Variants in PIEZO2 observed in about 807,000 individuals in gnomAD.
PIEZO2 encodes piezo-type mechanosensitive ion channel component 2.
A neutral mutation model predicts 337.3 loss-of-function variants in PIEZO2; 172 were observed. The observed-to-expected ratio is 0.51, with a 90% CI of 0.45 to 0.58. The LOEUF (loss-of-function observed/expected upper bound fraction) is 0.58. Among genes scored for constraint, PIEZO2 ranks in the 20% least tolerant of loss-of-function variants. PIEZO2 has a pLI of 0.00. For synonymous variants in PIEZO2, 1,251 were observed against 1,228.5 expected, an observed-to-expected ratio of 1.02 and a Z score of -0.38; for missense variants, 3,028 against 3,391.3, an observed-to-expected ratio of 0.89 and a Z score of 2.66.
intron 2 of PIEZO2, among the ~76,000 whole-genome samples, chr18:10,999,221 A>G (rs183654064): frequency 1.1e-3 from 166 of 152,104 alleles, no homozygotes; most frequent in African/African-American, 3.5e-3. Flanking sequence ...AGATAAGTTA[A>G]TGTATTGGAT....
intron 47 of PIEZO2, among the ~76,000 whole-genome samples, chr18:10,694,762 G>C (rs1166155150): frequency 6.6e-6 from 1 of 152,184 alleles, no homozygotes; most frequent in Non-Finnish European, 1.5e-5. Context: ...TTGAGCCCAG[G>C]AGTTCAAGGT....
At chr18:10,839,931 A>G (rs553035952) in intron 7 of PIEZO2, among the ~76,000 whole-genome samples, 12 of 152,204 alleles carry the variant, frequency 7.9e-5, no homozygotes, top group Admixed American at 3.9e-4. Context: ...AAAAGAAACA[A>G]TTGGCTGAGT....
intron 52 of PIEZO2, among the ~76,000 whole-genome samples, chr18:10,678,724 T>C (rs952709590): frequency 6.6e-6 from 1 of 152,176 alleles, no homozygotes; most frequent in South Asian, 2.1e-4. Context: ...TGCTGAGATA[T>C]GCTCTTTCTA....
rs1192850625 is a variant in PIEZO2 at position 11,127,466 on chromosome 18, C to G, written c.64+21059G>C. On this transcript the variant is annotated intron_variant, in intron 1 of 55. Transcript: ENST00000674853. The surrounding 1 kb of genome is among the most constrained non-coding windows in gnomAD (Gnocchi z 4.5). ...CTTAATCTGGTGGGCACAATCTAAT[C>G]AGCGAATATAAAGAAGGTAGGAAAA... is the stretch of plus-strand genomic sequence containing the variant. Among the ~76,000 whole-genome samples the G allele has an allele frequency of 1.3e-5, 2 of 152,148 alleles. No homozygotes were observed. Among genetic ancestry groups the G allele is most frequent in the Admixed American group, 1.3e-4 (2 of 15,274 alleles).
intron 4 of PIEZO2, among the ~76,000 whole-genome samples, chr18:10,879,544 C>T (rs1236008291): frequency 2.0e-5 from 3 of 151,876 alleles, no homozygotes; most frequent in African/African-American, 4.8e-5. Flanking sequence ...TACAGGCACC[C>T]GCCACCACGC....
chr18:11,084,130 T>C (rs567201583), intron 1 of PIEZO2, among the ~76,000 whole-genome samples: 1 of 122,324 alleles, frequency 8.2e-6, no homozygotes, highest in East Asian at 2.5e-4. Flanking sequence ...TGAGCCAAGA[T>C]CACATCATTT....
At chr18:10,934,254 G>GT (rs1335772168) in intron 3 of PIEZO2, among the ~76,000 whole-genome samples, 3 of 152,192 alleles carry the variant, frequency 2.0e-5, no homozygotes, top group African/African-American at 4.8e-5. Context: ...AGTGACTACT[G>GT]TAATTTTCCC....
chr18:10,722,290 G>A lies in PIEZO2; in HGVS notation c.5030-4031C>T, dbSNP rs2143969372. ...CTGTCACCCAGGCTAGAGTGCAGTG[G>A]TGCGGTCTCAGCTCACTGCAACCTC... is the stretch of plus-strand genomic sequence containing the variant. On this transcript the variant is annotated intron_variant, in intron 36 of 55. Coordinates refer to ENST00000674853, the MANE Select transcript of PIEZO2 (RefSeq NM_001378183.1). Among the ~76,000 whole-genome samples, 3 of 151,576 alleles carry A rather than the reference G, an allele frequency of 2.0e-5. 1 individual carries two copies. The Middle Eastern group carries it at 0.01, about 519-fold the overall frequency.
intron 5 of PIEZO2, among the ~76,000 whole-genome samples, chr18:10,858,355 AAAG>A (rs1474056915): frequency 3.3e-5 from 5 of 151,366 alleles, no homozygotes; most frequent in Admixed American, 6.6e-5. Flanking sequence ...AAAGAAAAGA[AAAG>A]AAGAAAATAA....
chr18:10,680,272 T>A lies in PIEZO2; in HGVS notation c.7879A>T (p.Lys2627Ter). ...AGGAGTTCGTGTATCATTTTCTGCTTACTGGGTGGGCTGATGGTCCACAAA... is the reference window on the plus strand; with the variant it reads ...AGGAGTTCGTGTATCATTTTCTGCTAACTGGGTGGGCTGATGGTCCACAAA... ...NSLWTISPPS[K>*]QKMIHELLDP... Residue 2627 changes from lysine to a stop codon, truncating the protein, a stop_gained, in exon 52 of 56, where the codon AAG (lysine) becomes TAG (stop). Transcript: ENST00000674853. LOFTEE classifies it high-confidence loss of function. 6.2e-7 allele frequency: 1 copy of A among 1,614,114 alleles called. No homozygotes were observed. Among genetic ancestry groups the A allele is most frequent in the Non-Finnish European group, 8.5e-7 (1 of 1,179,940 alleles).
At chr18:11,133,869 T>A (rs998698909) in intron 1 of PIEZO2, among the ~76,000 whole-genome samples, 1 of 151,678 alleles carries the variant, frequency 6.6e-6, no homozygotes, top group Non-Finnish European at 1.5e-5. Context: ...AACTCCTCTC[T>A]CTCTATATAT....
At position 11,021,012 on chromosome 18, in the gene PIEZO2, G is replaced by T. The variant is rs1294827437; in HGVS notation, c.161-41352C>A. Among the ~76,000 whole-genome samples the T allele has an allele frequency of 1.3e-5, 2 of 152,174 alleles. No individual in the cohort carries two copies. Among genetic ancestry groups the T allele is most frequent in the Admixed American group, 6.5e-5 (1 of 15,288 alleles). ...AAAAACTGTTCCACTGCCTTAAGTC[G>T]ACATTCCTGCTCAGCAGAAAAGCAC... On this transcript the variant is annotated intron_variant, in intron 2 of 55. Transcript: ENST00000674853. The surrounding 1 kb of genome is among the most constrained non-coding windows in gnomAD (Gnocchi z 4.7).
chr18:11,034,687 G>C (rs895337810), intron 2 of PIEZO2, among the ~76,000 whole-genome samples: 2 of 152,082 alleles, frequency 1.3e-5, no homozygotes, highest in Non-Finnish European at 2.9e-5. Context: ...TTTTGTGTGC[G>C]TAAAAAACTC....
Position 10,941,964 on chromosome 18 carries a change from A to G in PIEZO2, c.287-30736T>C, listed in dbSNP as rs117137785. Among the ~76,000 whole-genome samples, 393 of 152,214 alleles carry G rather than the reference A, an allele frequency of 2.6e-3. 2 individuals are homozygous for G. Among genetic ancestry groups the G allele is most frequent in the South Asian group, 0.016 (79 of 4,812 alleles). ...GTTCTCATGATAGTGAAGGGGTCTC[A>G]CGAGATCTGATGGTTTTAAAGATGG... On this transcript the variant is annotated intron_variant, in intron 3 of 55. Coordinates refer to ENST00000674853, the MANE Select transcript of PIEZO2 (RefSeq NM_001378183.1).
chr18:10,770,928 G>A (rs542873725), intron 20 of PIEZO2, among the ~76,000 whole-genome samples: 53 of 152,070 alleles, frequency 3.5e-4, no homozygotes, highest in Non-Finnish European at 5.4e-4. Flanking sequence ...ATAGGATCTC[G>A]TCATGTTGGC....
intron 7 of PIEZO2, among the ~76,000 whole-genome samples, chr18:10,839,710 C>A (rs971213307): frequency 6.6e-6 from 1 of 152,264 alleles, no homozygotes; most frequent in African/African-American, 2.4e-5. Context: ...TGGCTTTCTG[C>A]ACTTGCATTT....
Position 10,929,548 on chromosome 18 carries a change from A to T in PIEZO2, c.287-18320T>A, listed in dbSNP as rs553365471. ...AGACCATTTCAAAAAAGGAGTAGAA[A>T]ATCACATCCACAGCCTTTGAGGGGC... On this transcript the variant is annotated intron_variant, in intron 3 of 55. Transcript: ENST00000674853. The surrounding 1 kb of genome is among the most constrained non-coding windows in gnomAD (Gnocchi z 5.6). Among the ~76,000 whole-genome samples the T allele has an allele frequency of 3.9e-5, 6 of 152,318 alleles. No homozygotes were observed. The highest frequency in any genetic ancestry group is 2.1e-4 in the South Asian group (1 of 4,826).
chr18:11,059,972 C>A (rs1208510602), intron 2 of PIEZO2, among the ~76,000 whole-genome samples: 2 of 152,130 alleles, frequency 1.3e-5, no homozygotes, highest in Admixed American at 6.6e-5. Flanking sequence ...CAGCACCACA[C>A]CGCACTTATT....
intron 4 of PIEZO2, among the ~76,000 whole-genome samples, chr18:10,905,507 C>T (rs986935854): frequency 1.1e-4 from 16 of 150,848 alleles, no homozygotes; most frequent in African/African-American, 3.7e-4. Flanking sequence ...CGCTTGAACC[C>T]GGGAGGCAGA....
Sources: allele counts gnomAD v4.1 joint callset (sites outside exome capture counted in the v4.1 genomes callset), GRCh38; gene constraint gnomAD v4.1.1; non-coding constraint Gnocchi (gnomAD v3.1); transcripts MANE v1.5; gene names NCBI Gene and HGNC (gene_info 2026-07-23, HGNC 2026-07-21).